SPAG9: variants seen among roughly 807,000 people sequenced by gnomAD.
SPAG9 encodes sperm associated antigen 9, also known as C-Jun-amino-terminal kinase-interacting protein 4.
A neutral mutation model predicts 166.5 loss-of-function variants in SPAG9; 35 were observed. That is an observed-to-expected ratio of 0.21 (90% CI 0.16 to 0.28). The LOEUF (loss-of-function observed/expected upper bound fraction) is 0.28, where lower values mean the gene tolerates loss of function less well. SPAG9 is among the 10% of genes least tolerant of loss of function. The pLI is 1.00. For synonymous variants in SPAG9, 534 were observed against 565.5 expected (o/e 0.94, Z 0.79); for missense variants, 1,235 against 1,603.3 (o/e 0.77, Z 3.92).
At chr17:50,976,923 A>C in intron 27 of SPAG9, 185 bp downstream of exon 27, 1 of 463,216 alleles carries the variant, frequency 2.2e-6, no homozygotes, top group Non-Finnish European at 3.8e-6. Flanking sequence ...TTTAATTATG[A>C]GTATTGGTCT....
chr17:51,074,591 T>C (rs2047915048), intron 2 of SPAG9, among the ~76,000 whole-genome samples: 1 of 152,172 alleles, frequency 6.6e-6, no homozygotes, highest in East Asian at 1.9e-4. Context: ...GAGGATAATA[T>C]ATTCATAACA....
rs1283257560 is a variant in SPAG9 at position 50,964,973 on chromosome 17, C to T, written c.*1299G>A. ...ACAGGGTTTCGCCATGTTGCCCAGG[C>T]TGGTCTTGAACTCCTGGGCTCAAGC... On this transcript the variant is annotated 3_prime_UTR_variant, in exon 30 of 30. Coordinates refer to ENST00000262013, the MANE Select transcript of SPAG9 (RefSeq NM_001130528.3). 5.7e-6 allele frequency: 1 copy of T among 176,602 alleles called. No individual in the cohort carries two copies. The highest frequency in any genetic ancestry group is 1.2e-5 in the Non-Finnish European group (1 of 80,798). The allele number at this position is 176,602 out of a possible 1,614,324, so 10.9% of individuals were successfully genotyped here.
chr17:51,014,047 T>C (rs1485615891), intron 9 of SPAG9, among the ~76,000 whole-genome samples, 185 bp downstream of exon 9: 2 of 152,336 alleles, frequency 1.3e-5, no homozygotes, highest in East Asian at 3.9e-4. Context: ...AGCATACCCA[T>C]ATGCAAAGGT....
intron 12 of SPAG9, among the ~76,000 whole-genome samples, chr17:51,003,555 A>T (rs1008236271): frequency 1.3e-5 from 2 of 152,226 alleles, no homozygotes; most frequent in African/African-American, 4.8e-5. Flanking sequence ...AAACAGATGG[A>T]GACAACTGTA....
chr17:51,036,690 G>A (rs1310588880), intron 5 of SPAG9, among the ~76,000 whole-genome samples: 1 of 151,990 alleles, frequency 6.6e-6, no homozygotes, highest in East Asian at 1.9e-4. Flanking sequence ...CTGCAGGGAT[G>A]TCCTTAATGT....
intron 12 of SPAG9, among the ~76,000 whole-genome samples, chr17:51,004,750 TGCTAAG>T (rs757475733): frequency 1.3e-5 from 2 of 152,130 alleles, no homozygotes; most frequent in Non-Finnish European, 2.9e-5. Flanking sequence ...ACTAGGGGTA[TGCTAAG>T]GATATTAGCA....
At chr17:50,984,890 T>C (rs756523753) in intron 24 of SPAG9, 33 bp downstream of exon 24, 1 of 1,560,922 alleles carries the variant, frequency 6.4e-7, no homozygotes, top group East Asian at 2.2e-5. Context: ...AGCAACAAAT[T>C]AGTGTCCATG....
At chr17:51,046,889 A>G in intron 4 of SPAG9, 1 of 1,517,014 alleles carries the variant, frequency 6.6e-7, no homozygotes, top group Non-Finnish European at 8.8e-7. Context: ...AGCAACCCCA[A>G]GCGACAGCCA....
At chr17:51,077,037 GCTATCTAGCTAT>G (rs1568065422) in intron 2 of SPAG9, among the ~76,000 whole-genome samples, 10 of 108,558 alleles carry the variant, frequency 9.2e-5, no homozygotes, top group East Asian at 2.3e-4. Context: ...TATCTATCTA[GCTATCTAGCTAT>G]CTAGCTAGCT....
chr17:51,074,862 C>T (rs902604923), intron 2 of SPAG9, among the ~76,000 whole-genome samples: 2 of 151,918 alleles, frequency 1.3e-5, no homozygotes, highest in African/African-American at 2.4e-5. Context: ...AAAAAATTGA[C>T]ATACTCAAAC....
At chr17:51,047,871 A>C (rs905600407) in intron 3 of SPAG9, among the ~76,000 whole-genome samples, 96 of 152,220 alleles carry the variant, frequency 6.3e-4, no homozygotes, top group African/African-American at 2.2e-3. Flanking sequence ...ATGAGACACA[A>C]CAAAGAAATT....
chr17:51,023,029 G>A (rs1391521470), intron 6 of SPAG9, among the ~76,000 whole-genome samples: 1 of 148,980 alleles, frequency 6.7e-6, no homozygotes, highest in Non-Finnish European at 1.5e-5. Flanking sequence ...GTATGACCTT[G>A]GGTAAGTAAT....
At chr17:51,074,036 A>C (rs1268262807) in intron 2 of SPAG9, among the ~76,000 whole-genome samples, 1 of 152,184 alleles carries the variant, frequency 6.6e-6, no homozygotes, top group Non-Finnish European at 1.5e-5. Flanking sequence ...GGAGATCGAG[A>C]CCATCATGGC....
In SPAG9 at chr17:51,092,538, G is replaced by A. The variant is rs138037657; in HGVS notation, c.304-12834C>T. On this transcript the variant is annotated intron_variant, in intron 1 of 29. Transcript: ENST00000262013. ...TTTATAAGTTTTAGATGTGTTAATG[G>A]TGTTGTGGTTATATTTGTTAAACAG... Among the ~76,000 whole-genome samples, 197 of 151,994 alleles carry A rather than the reference G, an allele frequency of 1.3e-3. 1 individual carries two copies. Among genetic ancestry groups the A allele is most frequent in the African/African-American group, 4.5e-3 (187 of 41,494 alleles).
At chr17:51,070,824 CATT>C (rs1180170912) in intron 2 of SPAG9, among the ~76,000 whole-genome samples, 5 of 151,964 alleles carry the variant, frequency 3.3e-5, no homozygotes, top group Admixed American at 2.6e-4. Flanking sequence ...AAATAATTCT[CATT>C]AGAGGAAAAA....
In SPAG9 at chr17:51,120,316, G is replaced by A. The variant is rs778703316; in HGVS notation, c.303+38C>T. 1.3e-6 allele frequency: 2 copies of A among 1,488,098 alleles called. No homozygotes were observed. The highest frequency in any genetic ancestry group is 4.2e-5 in the Admixed American group (2 of 47,504). The allele number at this position is 1,488,098 out of a possible 1,614,324, so 92.2% of individuals were successfully genotyped here. A position where few individuals can be genotyped will look rare whatever the true frequency, so the allele number is the denominator to read the frequency against. ...CGACCCCGCCCCGGCCGCCCCCGGA[G>A]ACGGATCCCGCGGCCCCCGCCCTGC... On this transcript the variant is annotated intron_variant, in intron 1 of 29. Transcript: ENST00000262013. The surrounding 1 kb of genome is among the most constrained non-coding windows in gnomAD (Gnocchi z 4.7).
At chr17:51,098,196 G>T (rs1382169886) in intron 1 of SPAG9, among the ~76,000 whole-genome samples, 1 of 151,986 alleles carries the variant, frequency 6.6e-6, no homozygotes, top group African/African-American at 2.4e-5. Context: ...GAATGTGCCA[G>T]TGTTGTAACA....
At chr17:51,044,917 AATT>A (rs1309288101) in intron 4 of SPAG9, among the ~76,000 whole-genome samples, 5 of 152,340 alleles carry the variant, frequency 3.3e-5, no homozygotes, top group African/African-American at 1.2e-4. Context: ...TTAAAATTTT[AATT>A]ATAAGGTATT....
At chr17:51,028,923 C>T (rs1368754042) in intron 6 of SPAG9, among the ~76,000 whole-genome samples, 1 of 152,098 alleles carries the variant, frequency 6.6e-6, no homozygotes, top group East Asian at 1.9e-4. Flanking sequence ...GACCACTAGC[C>T]TATCAAATCC....
Sources: gnomAD v4.1 joint callset for allele counts (sites outside exome capture counted in the v4.1 genomes callset) on GRCh38, gnomAD v4.1.1 for gene constraint, Gnocchi (gnomAD v3.1) non-coding constraint, MANE v1.5 for transcripts, NCBI Gene and HGNC (gene_info 2026-07-23, HGNC 2026-07-21) for gene names.